Variants in AGK observed in about 807,000 individuals in gnomAD.
AGK encodes acylglycerol kinase.
A neutral mutation model predicts 66.4 loss-of-function variants in AGK; 52 were observed. The ratio of observed to expected loss-of-function variants is 0.78; its 90% CI spans 0.63 to 0.99. The LOEUF (loss-of-function observed/expected upper bound fraction) is 0.99, where lower values mean the gene tolerates loss of function less well. Ranked by LOEUF, AGK falls within the 50% of genes least tolerant of loss-of-function variation. The probability of loss-of-function intolerance (pLI) is 0.00; values close to 1 mark genes in which losing one functional copy is unlikely to be tolerated. For missense variants in AGK, 451 were observed against 506.6 expected, an observed-to-expected ratio of 0.89 and a Z score of 1.05; for synonymous variants, 182 against 181.1, an observed-to-expected ratio of 1.00 and a Z score of -0.04.
rs1797657976 is a variant in AGK, at chr7:141,654,908, G to T, written c.*1984G>T. 6.6e-6 allele frequency: 1 copy of T among 152,202 alleles called. No individual in the cohort carries two copies. Among genetic ancestry groups the T allele is most frequent in the African/African-American group, 2.4e-5 (1 of 41,442 alleles). The allele number at this position is 152,202 out of a possible 1,614,324, so 9.4% of individuals were successfully genotyped here. ...ATTTCATACTGTATTCTTCAGGGTGGTAAAATTTCTGCTTTTGGCAAAAAC... is the reference window on the plus strand; with the variant it reads ...ATTTCATACTGTATTCTTCAGGGTGTTAAAATTTCTGCTTTTGGCAAAAAC... On this transcript the variant is annotated 3_prime_UTR_variant, in exon 16 of 16. Coordinates refer to ENST00000649286, the MANE Select transcript of AGK (RefSeq NM_018238.4).
intron 2 of AGK, among the ~76,000 whole-genome samples, chr7:141,580,278 G>C (rs35755078): frequency 0.37 from 55,633 of 150,602 alleles, 11,449 homozygotes; most frequent in East Asian, 0.54. Context: ...GGGGCAGAGT[G>C]GTAGCTTCAA....
intron 2 of AGK, among the ~76,000 whole-genome samples, chr7:141,574,678 A>T (rs1367218399): frequency 3.3e-5 from 5 of 152,220 alleles, no homozygotes; most frequent in African/African-American, 1.2e-4. Context: ...TCATTAAGTC[A>T]TTTCCCATCC....
chr7:141,575,435 A>T (rs1033964779), intron 2 of AGK, among the ~76,000 whole-genome samples: 1 of 152,188 alleles, frequency 6.6e-6, no homozygotes, highest in Non-Finnish European at 1.5e-5. Flanking sequence ...ACCTGAGCTT[A>T]TAGAATTACA....
chr7:141,593,595 A>G (rs1796168207), intron 3 of AGK: 1 of 551,128 alleles, frequency 1.8e-6, no homozygotes, highest in Non-Finnish European at 3.2e-6. Flanking sequence ...TTGTTGATTC[A>G]TATTTTTAAA....
At chr7:141,600,033 G>A (rs1373864321) in intron 4 of AGK, among the ~76,000 whole-genome samples, 1 of 152,162 alleles carries the variant, frequency 6.6e-6, no homozygotes, top group Non-Finnish European at 1.5e-5. Flanking sequence ...AACTATACGT[G>A]TTCCTCATTA....
chr7:141,586,932 C>T (rs1363044288), intron 2 of AGK, among the ~76,000 whole-genome samples: 1 of 152,028 alleles, frequency 6.6e-6, no homozygotes. Context: ...TCATCATATC[C>T]ACTCTCATTC....
At chr7:141,619,664 C>T (rs978528599) in intron 8 of AGK, among the ~76,000 whole-genome samples, 2 of 149,254 alleles carry the variant, frequency 1.3e-5, no homozygotes, top group African/African-American at 2.5e-5. Context: ...ATTAGGACAG[C>T]ATAAACAAGA....
In AGK at chr7:141,651,593, C is replaced by T; in HGVS notation, c.1115C>T (p.Thr372Ile). 1 of 1,614,234 alleles carries T rather than the reference C, an allele frequency of 6.2e-7. No homozygotes were observed. Among genetic ancestry groups the T allele is most frequent in the Non-Finnish European group, 8.5e-7 (1 of 1,180,036 alleles). Residue 372 changes from threonine to isoleucine, a missense_variant, in exon 15 of 16, where the codon ACT becomes ATT. Physicochemically the swap from Thr to Ile is moderately conservative, Grantham distance 89. Coordinates refer to ENST00000649286, the MANE Select transcript of AGK (RefSeq NM_018238.4). ...GAGTGTCTCCAAGCCAGCCAGTGCA[C>T]TTTGCTTATCCCGGAGGTGAGTGGG... The part of the protein sequence containing the change: ...GTECLQASQC[T>I]LLIPEGAGGS...
rs1795182477 is a variant in AGK, at chr7:141,555,194, G to A, written c.-14-259G>A. 6.6e-6 allele frequency among the ~76,000 whole-genome samples: 1 copy of A among 152,160 alleles called. No homozygotes were observed. Among genetic ancestry groups the A allele is most frequent in the Admixed American group, 6.5e-5 (1 of 15,276 alleles). ...GAAGAAATAGTGATCAGAGAGGGAA[G>A]AAGTATAGGTTAGGTGGAAATACGT... On this transcript the variant is annotated intron_variant, in intron 1 of 15. Transcript: ENST00000649286. This position sits in a 1 kb window ranked among gnomAD's most constrained non-coding sequence, Gnocchi z 4.2.
At chr7:141,581,106 G>A (rs908363015) in intron 2 of AGK, among the ~76,000 whole-genome samples, 3 of 151,922 alleles carry the variant, frequency 2.0e-5, no homozygotes, top group African/African-American at 4.9e-5. Context: ...GGGAGAGCAC[G>A]TGTGTTTTTA....
At chr7:141,626,834 A>G (rs1250658634) in intron 9 of AGK, among the ~76,000 whole-genome samples, 1 of 152,248 alleles carries the variant, frequency 6.6e-6, no homozygotes, top group Non-Finnish European at 1.5e-5. Flanking sequence ...TATTGGAACA[A>G]TTAGAGAAAT....
rs970153731 is a variant in AGK at position 141,555,852 on chromosome 7, G to T, written c.101+285G>T. 6.6e-6 allele frequency among the ~76,000 whole-genome samples: 1 copy of T among 152,168 alleles called. No individual in the cohort carries two copies. Among genetic ancestry groups the T allele is most frequent in the African/African-American group, 2.4e-5 (1 of 41,458 alleles). ...GAGATTAAGACATCTTAGAGAAAGA[G>T]AAGTCCTTTCCCAAGTTAGTAGTGT... is the stretch of plus-strand genomic sequence containing the variant. On this transcript the variant is annotated intron_variant, in intron 2 of 15. Coordinates refer to ENST00000649286, the MANE Select transcript of AGK (RefSeq NM_018238.4). This position sits in a 1 kb window ranked among gnomAD's most constrained non-coding sequence, Gnocchi z 4.2.
chr7:141,614,790 ACAT>A (rs1329503698), intron 7 of AGK, among the ~76,000 whole-genome samples: 1 of 128,218 alleles, frequency 7.8e-6, no homozygotes, highest in Non-Finnish European at 1.8e-5. Context: ...ATTTCTTGAA[ACAT>A]ATGAAGCAAA....
rs755778498 is a variant in AGK at position 141,615,605 on chromosome 7, C to T, written c.518+40C>T. 49 of 1,507,454 alleles carry T rather than the reference C, an allele frequency of 3.3e-5. No individual in the cohort carries two copies. In the East Asian group the frequency reaches 4.3e-4, roughly 13 times the overall value. 93.4% of individuals were successfully genotyped at this position (1,507,454 alleles called of 1,614,324 possible). On this transcript the variant is annotated intron_variant, in intron 8 of 15. Transcript: ENST00000649286. The stretch of plus-strand genomic sequence containing the variant: ...TGGGGAATTAGCATTTGTGGGTGAG[C>T]GAGACTGGGAATGAAAAATTTATGT...
chr7:141,581,326 A>T (rs1050278936), intron 2 of AGK, among the ~76,000 whole-genome samples: 3 of 151,962 alleles, frequency 2.0e-5, no homozygotes, highest in Admixed American at 6.5e-5. Context: ...CCAGAAGAGG[A>T]TAATGGGTTG....
intron 2 of AGK, among the ~76,000 whole-genome samples, chr7:141,571,845 C>T (rs1021384300): frequency 6.6e-6 from 1 of 152,068 alleles, no homozygotes; most frequent in Non-Finnish European, 1.5e-5. Flanking sequence ...TTTTTTAGAA[C>T]AATGCCTGAC....
At chr7:141,628,097 G>A (rs150367403) in intron 9 of AGK, among the ~76,000 whole-genome samples, 127 of 152,328 alleles carry the variant, frequency 8.3e-4, no homozygotes, top group African/African-American at 2.9e-3. Flanking sequence ...GGTCAGGCTT[G>A]TGTTGAACTC....
At chr7:141,592,673 A>T (rs1402048561) in intron 2 of AGK, among the ~76,000 whole-genome samples, 1 of 152,050 alleles carries the variant, frequency 6.6e-6, no homozygotes, top group Admixed American at 6.6e-5. Context: ...TTCAAATGTG[A>T]TGATAAGTTG....
chr7:141,592,356 C>T (rs904264461), intron 2 of AGK, among the ~76,000 whole-genome samples: 1 of 152,160 alleles, frequency 6.6e-6, no homozygotes, highest in South Asian at 2.1e-4. Flanking sequence ...CTTCCATCTT[C>T]GCAGCTGGCA....
Sources: allele counts gnomAD v4.1 joint callset (sites outside exome capture counted in the v4.1 genomes callset), GRCh38; gene constraint gnomAD v4.1.1; non-coding constraint Gnocchi (gnomAD v3.1); transcripts MANE v1.5; gene names NCBI Gene and HGNC (gene_info 2026-07-23, HGNC 2026-07-21).